Variants in UBTD1 observed in about 807,000 individuals in gnomAD.
UBTD1 encodes the protein ubiquitin domain-containing protein 1.
A neutral mutation model predicts 21.7 loss-of-function variants in UBTD1; 19 were observed. The ratio of observed to expected loss-of-function variants is 0.87; its 90% CI spans 0.61 to 1.28. The LOEUF is 1.28. Ranked by LOEUF, UBTD1 falls within the 50% of genes most tolerant of loss-of-function variation. The pLI, the probability that UBTD1 is intolerant of heterozygous loss-of-function variation, is 0.00. For missense variants in UBTD1, 282 were observed against 315.1 expected (o/e 0.89, Z 0.80); for synonymous variants, 116 against 135.1 (o/e 0.86, Z 0.98).
At chr10:97,551,366 C>T (rs1038097934) in intron 1 of UBTD1, among the ~76,000 whole-genome samples, 1 of 140,040 alleles carries the variant, frequency 7.1e-6, no homozygotes, top group African/African-American at 2.6e-5. Flanking sequence ...GGAGACCTCT[C>T]TATTAAAAAA....
chr10:97,524,287 G>T (rs925718858), intron 1 of UBTD1, among the ~76,000 whole-genome samples: 87 of 87,564 alleles, frequency 9.9e-4, no homozygotes, highest in Middle Eastern at 4.5e-3. Flanking sequence ...GTAGGGATGC[G>T]GGGGGGTCTC....
intron 1 of UBTD1, among the ~76,000 whole-genome samples, chr10:97,548,606 G>GC (rs914564484): frequency 2.6e-5 from 4 of 151,976 alleles, no homozygotes; most frequent in Admixed American, 1.3e-4. Context: ...GACCAGCCTG[G>GC]CCCATCTCTA....
At chr10:97,536,134 A>G (rs12774288) in intron 1 of UBTD1, among the ~76,000 whole-genome samples, 86,072 of 151,594 alleles carry the variant, frequency 0.57, 27,165 homozygotes, top group Non-Finnish European at 0.73. Flanking sequence ...CTGGGATTAC[A>G]GGCTCCCGCC....
intron 1 of UBTD1, among the ~76,000 whole-genome samples, chr10:97,546,158 T>C (rs1456280885): frequency 6.6e-6 from 1 of 152,184 alleles, no homozygotes; most frequent in Non-Finnish European, 1.5e-5. Context: ...AACACCTCAG[T>C]TCAGGAGGTG....
At chr10:97,503,062 GTGC>G (rs2040384050) in intron 1 of UBTD1, among the ~76,000 whole-genome samples, 1 of 151,864 alleles carries the variant, frequency 6.6e-6, no homozygotes, top group Non-Finnish European at 1.5e-5. Flanking sequence ...GGCTAGAGGT[GTGC>G]ACCACCACGC....
intron 1 of UBTD1, among the ~76,000 whole-genome samples, chr10:97,536,917 TGTGAGG>T (rs1443066984): frequency 6.6e-6 from 1 of 152,046 alleles, no homozygotes. Context: ...AGGGTGCAAC[TGTGAGG>T]GAGAGACCAG....
intron 1 of UBTD1, among the ~76,000 whole-genome samples, chr10:97,517,137 G>A (rs1325521484): frequency 6.6e-6 from 1 of 152,162 alleles, no homozygotes; most frequent in African/African-American, 2.4e-5. Context: ...GGTCAGGAGT[G>A]GAAGGGCAAG....
intron 1 of UBTD1, among the ~76,000 whole-genome samples, chr10:97,556,618 A>T (rs1003349656): frequency 2.0e-5 from 3 of 152,178 alleles, no homozygotes; most frequent in Non-Finnish European, 4.4e-5. Flanking sequence ...CCAATCACCT[A>T]TGGCTATGCT....
chr10:97,538,693 G>C (rs2040574266), intron 1 of UBTD1, among the ~76,000 whole-genome samples: 2 of 152,222 alleles, frequency 1.3e-5, no homozygotes, highest in Admixed American at 1.3e-4. Flanking sequence ...CAGAGTCTCT[G>C]TGGGCTTATG....
At chr10:97,537,568 G>A (rs1208102109) in intron 1 of UBTD1, among the ~76,000 whole-genome samples, 1 of 152,154 alleles carries the variant, frequency 6.6e-6, no homozygotes, top group Non-Finnish European at 1.5e-5. Context: ...AGCAGCAGAG[G>A]CCAAAGCAGG....
Position 97,570,114 on chromosome 10 carries a change from C to A in UBTD1, c.299-24C>A, listed in dbSNP as rs2040737942. On this transcript the variant is annotated intron_variant, in intron 2 of 2. Coordinates refer to ENST00000370664, the MANE Select transcript of UBTD1 (RefSeq NM_024954.5). This position sits in a 1 kb window ranked among gnomAD's most constrained non-coding sequence, Gnocchi z 6.6. ...ATGATAGTGGATCCCCAAGCTGACT[C>A]TGACAGCCCTGCCTCTCCTACAGGC... The A allele has an allele frequency of 1.3e-6, 2 of 1,580,078 alleles. No homozygotes were observed. The highest frequency in any genetic ancestry group is 1.1e-5 in the South Asian group (1 of 88,162).
chr10:97,538,101 C>T (rs924473241), intron 1 of UBTD1, among the ~76,000 whole-genome samples: 1 of 152,130 alleles, frequency 6.6e-6, no homozygotes, highest in Non-Finnish European at 1.5e-5. Flanking sequence ...GCTTGGATTA[C>T]AGGCACCAGC....
intron 1 of UBTD1, among the ~76,000 whole-genome samples, chr10:97,511,343 A>C (rs755416121): frequency 6.6e-6 from 1 of 152,108 alleles, no homozygotes; most frequent in African/African-American, 2.4e-5. Context: ...GTGGGGGTAC[A>C]CACAGTGAGA....
At chr10:97,535,755 A>AT (rs1206757473) in intron 1 of UBTD1, among the ~76,000 whole-genome samples, 2 of 150,126 alleles carry the variant, frequency 1.3e-5, no homozygotes, top group African/African-American at 4.9e-5. Context: ...ATCTCTACAA[A>AT]TTTTTTTTTT....
At chr10:97,513,519 G>T (rs1366861779) in intron 1 of UBTD1, among the ~76,000 whole-genome samples, 1 of 152,158 alleles carries the variant, frequency 6.6e-6, no homozygotes, top group Non-Finnish European at 1.5e-5. Context: ...GGAAGTAAGT[G>T]GGCATAGTTT....
intron 1 of UBTD1, among the ~76,000 whole-genome samples, chr10:97,537,697 G>A (rs1278798612): frequency 1.3e-5 from 2 of 152,076 alleles, no homozygotes; most frequent in East Asian, 3.9e-4. Flanking sequence ...CAGAGTCCTT[G>A]TCACACAGGG....
rs1031684395 is a variant in UBTD1, at chr10:97,521,393, T to A, written c.70+22120T>A. On this transcript the variant is annotated intron_variant, in intron 1 of 2. Coordinates refer to ENST00000370664, the MANE Select transcript of UBTD1 (RefSeq NM_024954.5). ...ACTTTTCTGTTCCCCCTGAGGGAGATCTCCTTTCCCAAAGGAGAGTGGTCT... is the reference window on the plus strand; with the variant it reads ...ACTTTTCTGTTCCCCCTGAGGGAGAACTCCTTTCCCAAAGGAGAGTGGTCT... Among the ~76,000 whole-genome samples the A allele has an allele frequency of 5.3e-5, 8 of 152,170 alleles. No homozygotes were observed. In the South Asian group the frequency reaches 1.7e-3, roughly 32 times the overall value.
At position 97,507,883 on chromosome 10, in the gene UBTD1, G is replaced by A. The variant is rs535792852; in HGVS notation, c.70+8610G>A. 8.6e-5 allele frequency among the ~76,000 whole-genome samples: 13 copies of A among 151,986 alleles called. No individual in the cohort carries two copies. In the South Asian group the frequency reaches 1.7e-3, roughly 19 times the overall value. ...ACTGAAGGGACAGGGATGACTCCTC[G>A]TTTGTATGTTTTTCCTCTGGAAGTC... is the stretch of plus-strand genomic sequence containing the variant. On this transcript the variant is annotated intron_variant, in intron 1 of 2. Coordinates refer to ENST00000370664, the MANE Select transcript of UBTD1 (RefSeq NM_024954.5).
chr10:97,554,371 A>G (rs529365064), intron 1 of UBTD1, among the ~76,000 whole-genome samples: 30 of 149,214 alleles, frequency 2.0e-4, no homozygotes, highest in Non-Finnish European at 3.9e-4. Context: ...CCTCACCTCC[A>G]TAATAGCTGG....
Sources: gnomAD v4.1 joint callset for allele counts (sites outside exome capture counted in the v4.1 genomes callset) on GRCh38, gnomAD v4.1.1 for gene constraint, Gnocchi (gnomAD v3.1) non-coding constraint, MANE v1.5 for transcripts, NCBI Gene and HGNC (gene_info 2026-07-23, HGNC 2026-07-21) for gene names.